The following PKD1L1 variants were observed in gnomAD, a reference collection of about 807,000 sequenced individuals.
PKD1L1 encodes the protein polycystin 1 like 1, transient receptor potential channel interacting.
Under a neutral mutation model 323.4 loss-of-function variants are expected in PKD1L1, and 236 were observed. That is an observed-to-expected ratio of 0.73 (90% CI 0.66 to 0.81). The LOEUF is 0.81. Among genes scored for constraint, PKD1L1 ranks in the 40% least tolerant of loss-of-function variants. The pLI, the probability that PKD1L1 is intolerant of heterozygous loss-of-function variation, is 0.00. For missense variants in PKD1L1, 3,320 were observed against 3,508.0 expected (o/e 0.95, Z 1.35); for synonymous variants, 1,344 against 1,335.0 (o/e 1.01, Z -0.15).
intron 8 of PKD1L1, among the ~76,000 whole-genome samples, chr7:47,908,832 A>G (rs1436107828): frequency 2.6e-5 from 4 of 152,232 alleles, no homozygotes; most frequent in African/African-American, 9.6e-5. Flanking sequence ...GTGCTTGCAC[A>G]CTGGGGCTTG....
chr7:47,814,734 G>A (rs573324216), intron 47 of PKD1L1, among the ~76,000 whole-genome samples: 29 of 152,052 alleles, frequency 1.9e-4, no homozygotes, highest in Non-Finnish European at 3.5e-4. Context: ...GGCTGGTCTC[G>A]AACTCCTGAC....
intron 12 of PKD1L1, among the ~76,000 whole-genome samples, chr7:47,903,957 GC>G (rs1222610396): frequency 1.3e-5 from 2 of 152,160 alleles, no homozygotes; most frequent in African/African-American, 4.8e-5. Context: ...TTCACAATCT[GC>G]CAACCTACAC....
intron 7 of PKD1L1, among the ~76,000 whole-genome samples, chr7:47,916,818 T>C (rs962429600): frequency 5.3e-5 from 8 of 152,050 alleles, no homozygotes; most frequent in African/African-American, 1.7e-4. Flanking sequence ...GACAAAAGAA[T>C]CTGAACAACA....
At chr7:47,790,483 A>T (rs1377440547) in intron 56 of PKD1L1, among the ~76,000 whole-genome samples, 2 of 151,446 alleles carry the variant, frequency 1.3e-5, no homozygotes, top group Middle Eastern at 3.4e-3. Flanking sequence ...GGCGCCCGCC[A>T]CCATACTCGG....
chr7:47,823,193 G>A (rs1290755764), intron 45 of PKD1L1, among the ~76,000 whole-genome samples: 2 of 152,088 alleles, frequency 1.3e-5, no homozygotes, highest in East Asian at 3.8e-4. Flanking sequence ...GTTAGGTGTC[G>A]AGTTTTCATA....
chr7:47,841,502 A>G (rs1056605071), intron 34 of PKD1L1, among the ~76,000 whole-genome samples: 4 of 152,226 alleles, frequency 2.6e-5, no homozygotes, highest in African/African-American at 9.6e-5. Flanking sequence ...CAGTTTTCCA[A>G]GTTCCACAAA....
chr7:47,827,304 G>A (rs780133868), intron 45 of PKD1L1, 46 bp downstream of exon 45: 54 of 1,478,456 alleles, frequency 3.7e-5, no homozygotes, highest in Non-Finnish European at 4.5e-5. Flanking sequence ...CCTCCGAGAA[G>A]GGAGCTGGAG....
intron 40 of PKD1L1, 120 bp from the exon 41 acceptor site, chr7:47,833,372 G>C: frequency 8.8e-7 from 1 of 1,130,970 alleles, no homozygotes; most frequent in South Asian, 1.5e-5. Flanking sequence ...GGCGGGGTGT[G>C]GTGCTGAGGC....
intron 7 of PKD1L1, among the ~76,000 whole-genome samples, chr7:47,927,857 G>T (rs1787684768): frequency 1.3e-5 from 2 of 152,178 alleles, no homozygotes; most frequent in Non-Finnish European, 2.9e-5. Context: ...TCCATTAAAT[G>T]ACATACACAT....
intron 7 of PKD1L1, among the ~76,000 whole-genome samples, chr7:47,917,375 G>C (rs925115316): frequency 6.6e-6 from 1 of 151,884 alleles, no homozygotes; most frequent in African/African-American, 2.4e-5. Context: ...TGAGGAAGAA[G>C]AGAAATCTAA....
chr7:47,890,656 T>C lies in PKD1L1; in HGVS notation c.2561A>G (p.Gln854Arg). The C allele has an allele frequency of 1.2e-6, 2 of 1,614,114 alleles. No homozygotes were observed. Among genetic ancestry groups the C allele is most frequent in the Non-Finnish European group, 8.5e-7 (1 of 1,180,026 alleles). The change falls in exon 16 of 57, where the codon CAA (glutamine) becomes CGA (arginine). Residue 854 changes from glutamine to arginine, a missense_variant. Gln to Arg is a conservative substitution (Grantham distance 43, BLOSUM62 1). Coordinates refer to ENST00000289672, the MANE Select transcript of PKD1L1 (RefSeq NM_138295.5). ...AAAPTVSFEA[Q>R]WLSDSYDQFL... ...CTGATCATAGCTGTCACTGAGCCAT[T>C]GTGCCTCAAAGGAAACAGTGGGAGC...
At chr7:47,864,132 G>A (rs185657992) in intron 26 of PKD1L1, among the ~76,000 whole-genome samples, 13 of 152,270 alleles carry the variant, frequency 8.5e-5, no homozygotes, top group South Asian at 2.1e-4. Context: ...GGACTGTGCC[G>A]CCTGCACCCA....
At position 47,815,394 on chromosome 7, in the gene PKD1L1, G is replaced by A; in HGVS notation, c.7029C>T (p.Thr2343=). ...CCGGGTACAGGCCATCCAGAAGTGTGGTCAGACTCCAGTCCCACCAGTCAG... is the reference window on the plus strand; with the variant it reads ...CCGGGTACAGGCCATCCAGAAGTGTAGTCAGACTCCAGTCCCACCAGTCAG... ...NIADWWDWSL[T]TLLDGLYPGG... The change falls in exon 47 of 57, where the codon ACC becomes ACT. Residue 2343 remains threonine (T), a synonymous_variant. Transcript: ENST00000289672. 6.2e-7 allele frequency: 1 copy of A among 1,614,110 alleles called. No homozygotes were observed.
intron 45 of PKD1L1, among the ~76,000 whole-genome samples, chr7:47,825,867 T>C (rs1785231978): frequency 1.3e-5 from 2 of 152,310 alleles, no homozygotes; most frequent in Middle Eastern, 3.4e-3. Flanking sequence ...TTTTGTCTTT[T>C]AATTTTATAA....
chr7:47,941,786 TG>T (rs1787990579), intron 2 of PKD1L1, among the ~76,000 whole-genome samples: 1 of 152,106 alleles, frequency 6.6e-6, no homozygotes, highest in African/African-American at 2.4e-5. Flanking sequence ...TCAAAGTCAC[TG>T]TGCTCAAATT....
chr7:47,899,072 G>C (rs1380788060), intron 13 of PKD1L1, among the ~76,000 whole-genome samples: 1 of 152,168 alleles, frequency 6.6e-6, no homozygotes, highest in Non-Finnish European at 1.5e-5. Context: ...TGACCAATAT[G>C]TTACTTGTGT....
chr7:47,813,121 C>T lies in PKD1L1; in HGVS notation c.7346G>A (p.Arg2449Lys). 6.2e-7 allele frequency: 1 copy of T among 1,612,628 alleles called. No individual in the cohort carries two copies. The highest frequency in any genetic ancestry group is 8.5e-7 in the Non-Finnish European group (1 of 1,179,726). ...EDCVLSLGRT[R>K]TEAHTALSRL... ...CCCCGGCCCTTCGAATCTCACTGAC[C>T]TTGTTCTGCCCAGGCTGAGCACACA... Residue 2449 changes from arginine to lysine, a missense_variant and splice_region_variant, in exon 49 of 57, where the codon AGG becomes AAG. Coordinates refer to ENST00000289672, the MANE Select transcript of PKD1L1 (RefSeq NM_138295.5).
At position 47,929,415 on chromosome 7, in the gene PKD1L1, A is replaced by T. The variant is rs773483501; in HGVS notation, c.849T>A (p.Ala283=). ...GGTTCATGAAGTTATCAGAATTTCG[A>T]GCTAGGATGGCCACAGGAGGATGCT... is the stretch of plus-strand genomic sequence containing the variant. ...PTQHPPVAIL[A]RNSDNFMNPV... Residue 283 remains alanine (A), a synonymous_variant, in exon 7 of 57, where the codon GCT becomes GCA. Coordinates refer to ENST00000289672, the MANE Select transcript of PKD1L1 (RefSeq NM_138295.5). 6.2e-7 allele frequency: 1 copy of T among 1,614,168 alleles called. No individual in the cohort carries two copies. The highest frequency in any genetic ancestry group is 1.1e-5 in the South Asian group (1 of 91,078).
chr7:47,830,564 T>A (rs577450276), intron 42 of PKD1L1, among the ~76,000 whole-genome samples: 1 of 152,306 alleles, frequency 6.6e-6, no homozygotes, highest in South Asian at 2.1e-4. Context: ...TCTCTGATGT[T>A]CCTATTTTAC....
Sources: allele counts gnomAD v4.1 joint callset (sites outside exome capture counted in the v4.1 genomes callset), GRCh38; gene constraint gnomAD v4.1.1; transcripts MANE v1.5; gene names NCBI Gene and HGNC (gene_info 2026-07-23, HGNC 2026-07-21).